CALN1: variants seen among roughly 807,000 people sequenced by gnomAD.
CALN1 encodes calneuron 1, also known as calcium-binding protein 8.
A neutral mutation model predicts 30.6 loss-of-function variants in CALN1; 17 were observed. That is an observed-to-expected ratio of 0.56 (90% CI 0.38 to 0.83). The LOEUF is 0.83. CALN1 is among the 40% of genes least tolerant of loss of function. CALN1 has a pLI of 0.00. For synonymous variants in CALN1, 156 were observed against 131.4 expected, an observed-to-expected ratio of 1.19 and a Z score of -1.28; for missense variants, 291 against 354.9, an observed-to-expected ratio of 0.82 and a Z score of 1.45.
chr7:71,990,881 G>C (rs1193046396), intron 5 of CALN1, among the ~76,000 whole-genome samples: 1 of 152,084 alleles, frequency 6.6e-6, no homozygotes, highest in Non-Finnish European at 1.5e-5. Flanking sequence ...GTCTGGATTG[G>C]GGCCCGTTTC....
intron 3 of CALN1, among the ~76,000 whole-genome samples, chr7:72,247,148 T>C (rs1210077412): frequency 6.6e-6 from 1 of 150,614 alleles, no homozygotes; most frequent in Non-Finnish European, 1.5e-5. Flanking sequence ...CCCAGATAGT[T>C]ACGGAGAAAG....
At chr7:72,495,441 T>C in the CALN1 span, among the ~76,000 whole-genome samples, 1 of 152,214 alleles carries the variant, frequency 6.6e-6, no homozygotes, top group Non-Finnish European at 1.5e-5. Flanking sequence ...AGACCTACTC[T>C]GCACCCAACC....
At chr7:72,114,832 A>G (rs368367693) in intron 3 of CALN1, among the ~76,000 whole-genome samples, 12 of 152,220 alleles carry the variant, frequency 7.9e-5, no homozygotes, top group African/African-American at 2.6e-4. Context: ...CGTCTCTACT[A>G]AAAATACAAA....
chr7:72,305,559 T>C (rs1017730788), intron 2 of CALN1, among the ~76,000 whole-genome samples: 2 of 152,082 alleles, frequency 1.3e-5, no homozygotes, highest in Admixed American at 1.3e-4. Context: ...TCTGCAAAGT[T>C]TGAGAGAATC....
intron 2 of CALN1, among the ~76,000 whole-genome samples, chr7:72,365,914 G>T (rs940606281): frequency 6.6e-6 from 1 of 152,060 alleles, no homozygotes; most frequent in Non-Finnish European, 1.5e-5. Context: ...ATTTCAAGAA[G>T]GAAATTGGAC....
chr7:72,004,781 T>G (rs1409997500), intron 5 of CALN1, among the ~76,000 whole-genome samples: 1 of 151,532 alleles, frequency 6.6e-6, no homozygotes, highest in Non-Finnish European at 1.5e-5. Flanking sequence ...ATATAAAGAC[T>G]TCTCAAAACT....
chr7:72,346,812 G>A (rs890404723), intron 2 of CALN1, among the ~76,000 whole-genome samples: 1 of 152,108 alleles, frequency 6.6e-6, no homozygotes, highest in Non-Finnish European at 1.5e-5. Context: ...GCAGCGCCCG[G>A]CCAAAATTTG....
chr7:72,338,757 A>G (rs1802246005), intron 2 of CALN1, among the ~76,000 whole-genome samples: 1 of 152,070 alleles, frequency 6.6e-6, no homozygotes, highest in African/African-American at 2.4e-5. Context: ...TAAGCTCATC[A>G]TGGAGAACCG....
chr7:71,845,042 C>T (rs1010393893), intron 5 of CALN1, among the ~76,000 whole-genome samples: 1 of 152,058 alleles, frequency 6.6e-6, no homozygotes, highest in African/African-American at 2.4e-5. Context: ...TGCCACCACA[C>T]CAGGCTAATT....
At chr7:72,006,562 CTAAAAAAGTAG>C in intron 5 of CALN1, among the ~76,000 whole-genome samples, 1 of 148,020 alleles carries the variant, frequency 6.8e-6, no homozygotes, top group Non-Finnish European at 1.5e-5. Flanking sequence ...AGAGGGACAT[CTAAAAAAGTAG>C]ATTTTTTTTA....
intron 2 of CALN1, among the ~76,000 whole-genome samples, chr7:72,347,756 G>A: frequency 6.6e-6 from 1 of 152,130 alleles, no homozygotes; most frequent in Non-Finnish European, 1.5e-5. Flanking sequence ...CAGTGAACAT[G>A]CCCACTAAAA....
At chr7:71,963,752 C>T (rs1056883784) in intron 5 of CALN1, among the ~76,000 whole-genome samples, 1 of 152,026 alleles carries the variant, frequency 6.6e-6, no homozygotes, top group Non-Finnish European at 1.5e-5. Flanking sequence ...CACTTATTAG[C>T]ACTTATTCTA....
chr7:72,414,984 C>T (rs765316125), upstream of CALN1, among the ~76,000 whole-genome samples: 62 of 152,338 alleles, frequency 4.1e-4, no homozygotes, highest in Non-Finnish European at 5.4e-4. Context: ...TCCAATTGGA[C>T]TGTGGCTTTA....
intron 2 of CALN1, among the ~76,000 whole-genome samples, chr7:72,296,526 G>A (rs1319711774): frequency 4.0e-5 from 6 of 150,954 alleles, no homozygotes; most frequent in South Asian, 2.1e-4. Flanking sequence ...ATTGATTATT[G>A]CCACAATTTC....
At chr7:71,859,931 A>G (rs1791173872) in intron 5 of CALN1, among the ~76,000 whole-genome samples, 1 of 152,180 alleles carries the variant, frequency 6.6e-6, no homozygotes, top group Non-Finnish European at 1.5e-5. Context: ...AACATTTACT[A>G]AACAGACCCA....
chr7:72,393,772 CAG>C (rs1057388532), intron 2 of CALN1, among the ~76,000 whole-genome samples: 7 of 134,264 alleles, frequency 5.2e-5, no homozygotes, highest in African/African-American at 1.4e-4. Flanking sequence ...TATTTTGAGA[CAG>C]AGTCTCGCTC....
intron 3 of CALN1, among the ~76,000 whole-genome samples, chr7:72,153,343 T>A (rs1013785574): frequency 4.6e-5 from 7 of 151,984 alleles, no homozygotes; most frequent in East Asian, 1.9e-4. Context: ...GGTGGCAGGA[T>A]CTTGGTCAGA....
At chr7:72,118,076 TG>T (rs1359103965) in intron 3 of CALN1, among the ~76,000 whole-genome samples, 1 of 152,054 alleles carries the variant, frequency 6.6e-6, no homozygotes, top group Non-Finnish European at 1.5e-5. Flanking sequence ...ATTGATAGGA[TG>T]AACCTACTAT....
chr7:71,918,233 T>C lies in CALN1; in HGVS notation c.501+105424A>G, dbSNP rs76441902. On this transcript the variant is annotated intron_variant, in intron 5 of 6. Coordinates refer to ENST00000395275, the MANE Select transcript of CALN1 (RefSeq NM_031468.4). Reference sequence around the variant, plus strand: ...GTGCTGCCTGGCTGAATTACTTTCATGAGGACCTGAGAACAAAGTGTCTCT... The same window carrying C: ...GTGCTGCCTGGCTGAATTACTTTCACGAGGACCTGAGAACAAAGTGTCTCT... Among the ~76,000 whole-genome samples, 546 of 152,336 alleles carry C rather than the reference T, an allele frequency of 3.6e-3. 2 individuals are homozygous for C. Among genetic ancestry groups the C allele is most frequent in the African/African-American group, 0.013 (524 of 41,584 alleles).
Sources: gnomAD v4.1 joint callset for allele counts (sites outside exome capture counted in the v4.1 genomes callset) on GRCh38, gnomAD v4.1.1 for gene constraint, MANE v1.5 for transcripts, NCBI Gene and HGNC (gene_info 2026-07-23, HGNC 2026-07-21) for gene names.